The following HDAC8 variants were observed in gnomAD, a reference collection of about 807,000 sequenced individuals.
HDAC8 encodes histone deacetylase 8, also known as histone deacetylase-like 1.
HDAC8 carries 1 observed loss-of-function variant against 32.2 expected under a neutral mutation model. That is an observed-to-expected ratio of 0.03 (90% CI 0.01 to 0.15). The LOEUF is 0.15. HDAC8 is among the 10% of genes least tolerant of loss of function. The pLI is 1.00. For missense variants in HDAC8, 117 were observed against 300.0 expected (o/e 0.39, Z 4.51); for synonymous variants, 108 against 113.9 (o/e 0.95, Z 0.33).
intron 4 of HDAC8, among the ~76,000 whole-genome samples, chrX:72,530,073 T>C (rs782331827): frequency 2.7e-5 from 3 of 112,386 alleles, no homozygotes; most frequent in Non-Finnish European, 1.9e-5. Context: ...CTTCATAAAT[T>C]ACCCAGTCTC....
chrX:72,407,890 C>A (rs2046089942), intron 9 of HDAC8, among the ~76,000 whole-genome samples: 1 of 112,130 alleles, frequency 8.9e-6, no homozygotes, highest in African/African-American at 3.2e-5. Flanking sequence ...CACATGGGTG[C>A]CCAATGGTAC....
At position 72,463,174 on chromosome X, in the gene HDAC8, C is replaced by T. The variant is rs2047913307; in HGVS notation, c.911-1076G>A. ...GATAGTACAGGTATTACTTTAAATA[C>T]TCCTGACACGGAAAAATCTGACTTT... is the stretch of plus-strand genomic sequence containing the variant. On this transcript the variant is annotated intron_variant, in intron 8 of 10. Coordinates refer to ENST00000373573, the MANE Select transcript of HDAC8 (RefSeq NM_018486.3). Among the ~76,000 whole-genome samples the T allele has an allele frequency of 2.7e-5, 3 of 111,480 alleles. No homozygotes were observed. The South Asian group carries it at 1.1e-3, about 42-fold the overall frequency.
chrX:72,340,745 C>T (rs1395280540), intron 10 of HDAC8, among the ~76,000 whole-genome samples: 2 of 111,639 alleles, frequency 1.8e-5, no homozygotes, highest in Admixed American at 1.9e-4. Context: ...ACTGAGCCAA[C>T]AAGTAATGCC....
intron 9 of HDAC8, among the ~76,000 whole-genome samples, chrX:72,437,336 A>G (rs2046981014): frequency 8.9e-6 from 1 of 112,063 alleles, no homozygotes; most frequent in African/African-American, 3.2e-5. Context: ...CATGGACTTC[A>G]CAACCCACAG....
chrX:72,405,770 G>A (rs1226696081), intron 9 of HDAC8, among the ~76,000 whole-genome samples: 3 of 111,661 alleles, frequency 2.7e-5, no homozygotes, highest in African/African-American at 9.8e-5. Flanking sequence ...CCTCTGTGCT[G>A]TATTTTGTGT....
Position 72,462,087 on chromosome X carries a change from G to C in HDAC8, c.922C>G (p.Leu308Val), listed in dbSNP as rs935042959. The change falls in exon 9 of 11, where the codon CTT becomes GTT. Residue 308 changes from leucine (L) to valine (V), a missense_variant. Coordinates refer to ENST00000373573, the MANE Select transcript of HDAC8 (RefSeq NM_018486.3). ...TLILGGGGYN[L>V]ANTARCWTYL... is the part of the protein sequence containing the mutation. ...GTCCAGCATCGAGCCGTGTTGGCAA[G>C]GTTATAGCCTCCTGTCTCCATCAAG... is the stretch of plus-strand genomic sequence containing the variant. The C allele has an allele frequency of 8.3e-7, 1 of 1,202,001 alleles. No individual in the cohort carries two copies. Among genetic ancestry groups the C allele is most frequent in the African/African-American group, 1.7e-5 (1 of 57,578 alleles).
intron 7 of HDAC8, among the ~76,000 whole-genome samples, chrX:72,487,896 G>C (rs1158265963): frequency 9.4e-6 from 1 of 106,681 alleles, no homozygotes; most frequent in Non-Finnish European, 1.9e-5. Flanking sequence ...GAGCTTAAGG[G>C]GAACAAAGAA....
chrX:72,438,915 C>A (rs983065029), intron 9 of HDAC8, among the ~76,000 whole-genome samples: 6 of 111,557 alleles, frequency 5.4e-5, no homozygotes, highest in Admixed American at 9.5e-5. Flanking sequence ...GGAGAACTTC[C>A]CCAACATAGC....
intron 4 of HDAC8, among the ~76,000 whole-genome samples, chrX:72,532,473 C>CT (rs782603262): frequency 0.078 from 6,717 of 85,736 alleles, 753 homozygotes; most frequent in African/African-American, 0.26. Context: ...TTGCTAGTGT[C>CT]TTTTTTTTTT....
chrX:72,557,668 T>C (rs1286827952), intron 4 of HDAC8, among the ~76,000 whole-genome samples: 1 of 110,566 alleles, frequency 9.0e-6, no homozygotes, highest in African/African-American at 3.3e-5. Flanking sequence ...GCACACCTCA[T>C]GAAACTGGAG....
At chrX:72,382,689 C>A (rs1462454928) in intron 9 of HDAC8, among the ~76,000 whole-genome samples, 4 of 111,705 alleles carry the variant, frequency 3.6e-5, no homozygotes, top group Non-Finnish European at 7.5e-5. Flanking sequence ...TTCAGAATAG[C>A]AAATCTATAG....
intron 4 of HDAC8, among the ~76,000 whole-genome samples, chrX:72,554,501 C>CGGGGAGGGT (rs1556086022): frequency 8.3e-4 from 3 of 3,626 alleles, no homozygotes; most frequent in Admixed American, 9.7e-3. Flanking sequence ...GCGGGGGGAG[C>CGGGGAGGGT]GGGGAGGGCG....
intron 9 of HDAC8, among the ~76,000 whole-genome samples, chrX:72,388,704 G>C (rs782618470): frequency 3.6e-5 from 4 of 109,973 alleles, no homozygotes; most frequent in African/African-American, 1.3e-4. Context: ...CCCTAATGTG[G>C]CTGCATTTGG....
intron 1 of HDAC8, 55 bp downstream of exon 1, chrX:72,572,596 A>G: frequency 3.2e-6 from 1 of 316,324 alleles, no homozygotes; most frequent in Non-Finnish European, 5.6e-6. Context: ...TCTTTCGTCC[A>G]CCGCCCCCAC....
intron 9 of HDAC8, among the ~76,000 whole-genome samples, chrX:72,443,833 A>G (rs1357439569): frequency 2.7e-5 from 3 of 109,874 alleles, no homozygotes; most frequent in African/African-American, 1.0e-4. Flanking sequence ...AATAGATGCA[A>G]TAAAAAATGA....
At position 72,511,419 on chromosome X, in the gene HDAC8, C is replaced by A. The variant is rs1207143225; in HGVS notation, c.438-16151G>T. On this transcript the variant is annotated intron_variant, in intron 4 of 10. Transcript: ENST00000373573. ...ATTGATGGAAATTGTGCCGGCTCAA[C>A]CTTTCTAGTTAAAAGCACCGGCAAA... Among the ~76,000 whole-genome samples the A allele has an allele frequency of 1.3e-4, 14 of 111,622 alleles. 1 individual carries two copies. The highest frequency in any genetic ancestry group is 1.2e-3 in the Admixed American group (13 of 10,508).
intron 7 of HDAC8, among the ~76,000 whole-genome samples, chrX:72,487,577 A>G (rs782504565): frequency 2.7e-5 from 3 of 110,480 alleles, no homozygotes; most frequent in African/African-American, 9.9e-5. Flanking sequence ...ATGTAAGGTG[A>G]TCCATTTAGG....
chrX:72,421,587 T>C (rs1243354253), intron 9 of HDAC8, among the ~76,000 whole-genome samples: 1 of 112,803 alleles, frequency 8.9e-6, no homozygotes, highest in African/African-American at 3.2e-5. Flanking sequence ...ATGTTGTTGT[T>C]GTCACAGATC....
chrX:72,411,281 C>A (rs1555970183), intron 9 of HDAC8, among the ~76,000 whole-genome samples: 1 of 111,155 alleles, frequency 9.0e-6, no homozygotes, highest in Admixed American at 9.5e-5. Context: ...ACCTTGGCCT[C>A]CCAAAGTGCT....
Sources: gnomAD v4.1 joint callset for allele counts (sites outside exome capture counted in the v4.1 genomes callset) on GRCh38, gnomAD v4.1.1 for gene constraint, MANE v1.5 for transcripts, NCBI Gene and HGNC (gene_info 2026-07-23, HGNC 2026-07-21) for gene names.